METTL14: variants seen among roughly 807,000 people sequenced by gnomAD.
METTL14 encodes methyltransferase 14, N6-adenosine-methyltransferase non-catalytic subunit.
METTL14 carries 32 observed loss-of-function variants against 62.4 expected under a neutral mutation model. The observed-to-expected ratio is 0.51, with a 90% CI of 0.39 to 0.69. The LOEUF (loss-of-function observed/expected upper bound fraction) is 0.69. Among genes scored for constraint, METTL14 ranks in the 30% least tolerant of loss-of-function variants. The pLI is 0.00. For missense variants in METTL14, 340 were observed against 551.9 expected, an observed-to-expected ratio of 0.62 and a Z score of 3.85; for synonymous variants, 150 against 180.0, an observed-to-expected ratio of 0.83 and a Z score of 1.34.
chr4:118,695,053 A>G (rs1024029065), intron 6 of METTL14, among the ~76,000 whole-genome samples: 1 of 150,530 alleles, frequency 6.6e-6, no homozygotes, highest in Non-Finnish European at 1.5e-5. Flanking sequence ...GCTGGTCTCA[A>G]ACTCCTGACC....
rs906170007 is a variant in METTL14, at chr4:118,713,178, G to A, written c.*2876G>A. 6 of 152,122 alleles carry A rather than the reference G, an allele frequency of 3.9e-5. No individual in the cohort carries two copies. The highest frequency in any genetic ancestry group is 1.4e-4 in the African/African-American group (6 of 41,412). 9.4% of individuals were successfully genotyped at this position (152,122 alleles called of 1,614,324 possible). On this transcript the variant is annotated 3_prime_UTR_variant, in exon 11 of 11. Transcript: ENST00000388822. ...TGCAGCAGTTCTGCTCTGTTACTCT[G>A]GTAAGTAGTAGAGCCACTTTATGAG...
At chr4:118,706,520 A>G (rs28870718) in intron 10 of METTL14, among the ~76,000 whole-genome samples, 2,602 of 152,318 alleles carry the variant, frequency 0.017, 77 homozygotes, top group African/African-American at 0.059. Context: ...AGTTTTGGCA[A>G]TTATGAATAA....
chr4:118,690,890 A>G (rs1032101696), intron 3 of METTL14, among the ~76,000 whole-genome samples: 1 of 152,176 alleles, frequency 6.6e-6, no homozygotes, highest in Non-Finnish European at 1.5e-5. Flanking sequence ...GAAAAACCCA[A>G]CTTCTAACTT....
chr4:118,707,333 A>G (rs1724784733), intron 10 of METTL14, among the ~76,000 whole-genome samples: 2 of 151,772 alleles, frequency 1.3e-5, no homozygotes, highest in Non-Finnish European at 2.9e-5. Context: ...TTAGCCATAT[A>G]AATAATAGTA....
At chr4:118,698,017 A>G (rs570885756) in intron 7 of METTL14, among the ~76,000 whole-genome samples, 20 of 152,278 alleles carry the variant, frequency 1.3e-4, no homozygotes, top group African/African-American at 4.6e-4. Context: ...GTATTGTTGG[A>G]ACACAGATTG....
At chr4:118,691,310 T>C (rs1724239527) in intron 3 of METTL14, among the ~76,000 whole-genome samples, 2 of 152,114 alleles carry the variant, frequency 1.3e-5, no homozygotes, top group African/African-American at 4.8e-5. Context: ...ATCAGCAAAA[T>C]AGTAGTTACA....
intron 2 of METTL14, among the ~76,000 whole-genome samples, chr4:118,688,396 T>G (rs1174991665): frequency 6.6e-6 from 1 of 151,006 alleles, no homozygotes; most frequent in Non-Finnish European, 1.5e-5. Context: ...GAGCCAAGAT[T>G]GTGCCACTGC....
intron 2 of METTL14, 65 bp from the exon 3 acceptor site, chr4:118,689,305 T>A: frequency 1.3e-6 from 1 of 798,572 alleles, no homozygotes; most frequent in Non-Finnish European, 1.9e-6. Flanking sequence ...CTGTTTATTA[T>A]TATTAATAGA....
intron 10 of METTL14, among the ~76,000 whole-genome samples, chr4:118,706,584 C>T (rs912865618): frequency 6.6e-6 from 1 of 152,220 alleles, no homozygotes; most frequent in Non-Finnish European, 1.5e-5. Flanking sequence ...TTTTCAGCTC[C>T]TTTGGGTAAA....
chr4:118,690,661 C>T (rs929826315), intron 3 of METTL14, among the ~76,000 whole-genome samples: 120 of 138,210 alleles, frequency 8.7e-4, no homozygotes, highest in Admixed American at 3.9e-4. Context: ...GCCTGGGCAA[C>T]AGAGTGACTC....
chr4:118,694,571 A>G (rs747174808), intron 6 of METTL14, 45 bp downstream of exon 6: 5 of 1,411,576 alleles, frequency 3.5e-6, no homozygotes, highest in Admixed American at 3.4e-5. Flanking sequence ...ACTCAGGCTT[A>G]AAGTATCAGT....
intron 6 of METTL14, among the ~76,000 whole-genome samples, chr4:118,696,349 C>T (rs1553981047): frequency 6.6e-6 from 1 of 151,716 alleles, no homozygotes; most frequent in Non-Finnish European, 1.5e-5. Context: ...GTCAATTGAT[C>T]CTCCCACGCT....
chr4:118,686,778 T>C (rs1473320989), intron 1 of METTL14: 1 of 386,988 alleles, frequency 2.6e-6, no homozygotes, highest in African/African-American at 2.1e-5. Context: ...TGACTCAATA[T>C]ACATTCATAG....
At position 118,710,301 on chromosome 4, in the gene METTL14, A is replaced by G. The variant is rs764555188; in HGVS notation, c.1370A>G (p.Ter457=). 2 of 1,609,708 alleles carry G rather than the reference A, an allele frequency of 1.2e-6. No individual in the cohort carries two copies. Among genetic ancestry groups the G allele is most frequent in the Non-Finnish European group, 1.7e-6 (2 of 1,178,270 alleles). Residue 457 remains the stop codon, a stop_retained_variant, in exon 11 of 11, where the codon TAA becomes TGA. Transcript: ENST00000388822. ...GAHRGGFPPR[*] ...CACAGAGGTGGCTTTCCACCTCGAT[A>G]ATTGTTGAAGACATTGAACCTATTC... is the stretch of plus-strand genomic sequence containing the variant.
At chr4:118,686,427 A>G (rs1724062095) in intron 1 of METTL14, 1 of 357,556 alleles carries the variant, frequency 2.8e-6, no homozygotes, top group African/African-American at 2.1e-5. Flanking sequence ...TCAGATCAGT[A>G]AAAGTGATAG....
In METTL14 at chr4:118,715,163, A is replaced by G. The variant is rs1044255709; in HGVS notation, c.*4861A>G. ...TGTTGTCACAAAATACACCTTTTAG[A>G]TAATCCTTACCTGTACAGATTTTTA... On this transcript the variant is annotated 3_prime_UTR_variant, in exon 11 of 11. Coordinates refer to ENST00000388822, the MANE Select transcript of METTL14 (RefSeq NM_020961.4). 1 of 152,232 alleles carries G rather than the reference A, an allele frequency of 6.6e-6. No homozygotes were observed. The highest frequency in any genetic ancestry group is 6.5e-5 in the Admixed American group (1 of 15,280). The allele number at this position is 152,232 out of a possible 1,614,324, so 9.4% of individuals were successfully genotyped here.
chr4:118,690,417 G>A (rs548535272), intron 3 of METTL14, among the ~76,000 whole-genome samples: 2 of 151,992 alleles, frequency 1.3e-5, no homozygotes, highest in South Asian at 2.1e-4. Flanking sequence ...GGTGCCTCAC[G>A]CTTGTAATCC....
At chr4:118,693,607 AATGTAG>A (rs1409777124) in intron 5 of METTL14, among the ~76,000 whole-genome samples, 3 of 152,158 alleles carry the variant, frequency 2.0e-5, no homozygotes, top group Non-Finnish European at 2.9e-5. Flanking sequence ...TTATAAGCAA[AATGTAG>A]ATGTAGCATA....
At position 118,685,584 on chromosome 4, in the gene METTL14, A is replaced by G; in HGVS notation, c.50A>G (p.Gln17Arg). 1 of 1,614,080 alleles carries G rather than the reference A, an allele frequency of 6.2e-7. No homozygotes were observed. Among genetic ancestry groups the G allele is most frequent in the Non-Finnish European group, 8.5e-7 (1 of 1,179,982 alleles). Residue 17 changes from glutamine to arginine, a missense_variant, in exon 1 of 11, where the codon CAG (glutamine) becomes CGG (arginine). Physicochemically the swap from Gln to Arg is conservative, Grantham distance 43. This residue lies in a region of METTL14 where 111 missense variants were observed against 116.6 expected (regional missense o/e 0.95). Transcript: ENST00000388822. ...CGGGAGCGGCAGAAGTTACGGCGAC[A>G]GCTCCTCGCGCAGCAGGTCCGCGGC... The part of the protein sequence containing the change: ...EIRERQKLRR[Q>R]LLAQQLGAES...
Sources: gnomAD v4.1 joint callset for allele counts (sites outside exome capture counted in the v4.1 genomes callset) on GRCh38, gnomAD v4.1.1 for gene constraint, gnomAD v4.1.1 regional missense constraint, MANE v1.5 for transcripts, NCBI Gene and HGNC (gene_info 2026-07-23, HGNC 2026-07-21) for gene names.